The following GPM6A variants were observed in gnomAD, a reference collection of about 807,000 sequenced individuals.
GPM6A encodes the protein glycoprotein M6A.
GPM6A carries 7 observed loss-of-function variants against 32.1 expected under a neutral mutation model. The ratio of observed to expected loss-of-function variants is 0.22; its 90% confidence interval spans 0.12 to 0.41. The LOEUF (loss-of-function observed/expected upper bound fraction) is 0.41, where lower values mean the gene tolerates loss of function less well. Among genes scored for constraint, GPM6A ranks in the 10% least tolerant of loss-of-function variants. GPM6A has a pLI of 1.00. For missense variants in GPM6A, 235 were observed against 347.2 expected (o/e 0.68, Z 2.57); for synonymous variants, 130 against 123.4 (o/e 1.05, Z -0.35).
intron 1 of GPM6A, among the ~76,000 whole-genome samples, chr4:175,869,076 G>A (rs1043286646): frequency 2.0e-5 from 3 of 152,054 alleles, no homozygotes; most frequent in Non-Finnish European, 4.4e-5. Context: ...AGTCACTAAT[G>A]ACTTACTTCG....
intron 1 of GPM6A, among the ~76,000 whole-genome samples, chr4:175,915,908 T>TGTAGAATG: frequency 6.6e-6 from 1 of 152,364 alleles, no homozygotes; most frequent in South Asian, 2.1e-4. Context: ...GGACCTTACA[T>TGTAGAATG]TTGTCATCCT....
intron 1 of GPM6A, among the ~76,000 whole-genome samples, chr4:175,798,871 T>C (rs1421307550): frequency 1.3e-5 from 2 of 152,180 alleles, no homozygotes; most frequent in Non-Finnish European, 2.9e-5. Context: ...CCAAGGGAAA[T>C]GTAAAATGCA....
At chr4:175,821,598 TC>T (rs1214353337) in intron 1 of GPM6A, among the ~76,000 whole-genome samples, 7 of 152,106 alleles carry the variant, frequency 4.6e-5, no homozygotes, top group Non-Finnish European at 1.0e-4. Flanking sequence ...GAGATCTCTT[TC>T]CATATGTTGA....
At chr4:175,775,556 G>T (rs1733359997) in intron 1 of GPM6A, among the ~76,000 whole-genome samples, 1 of 151,932 alleles carries the variant, frequency 6.6e-6, no homozygotes, top group Non-Finnish European at 1.5e-5. Context: ...TAGTTATTTT[G>T]CATTTCAAAA....
At chr4:175,711,873 A>G (rs1315334893) in intron 1 of GPM6A, among the ~76,000 whole-genome samples, 1 of 152,094 alleles carries the variant, frequency 6.6e-6, no homozygotes, top group Non-Finnish European at 1.5e-5. Context: ...TCACCCTTAT[A>G]TGTGTCTGCA....
intron 1 of GPM6A, among the ~76,000 whole-genome samples, chr4:175,713,471 G>A (rs531695519): frequency 1.3e-5 from 2 of 152,278 alleles, no homozygotes; most frequent in African/African-American, 4.8e-5. Flanking sequence ...GATTACAGGT[G>A]TGAGCCACGG....
At chr4:175,990,094 A>T (rs909756000) in intron 1 of GPM6A, among the ~76,000 whole-genome samples, 1 of 152,194 alleles carries the variant, frequency 6.6e-6, no homozygotes, top group African/African-American at 2.4e-5. Flanking sequence ...AATTGTGAAT[A>T]CTTTTCATTT....
chr4:175,903,954 T>A (rs1440885668), intron 1 of GPM6A, among the ~76,000 whole-genome samples: 5 of 152,152 alleles, frequency 3.3e-5, no homozygotes, highest in African/African-American at 1.2e-4. Context: ...TGTCAGAGAA[T>A]GTCCTTCTGG....
intron 1 of GPM6A, among the ~76,000 whole-genome samples, chr4:175,872,044 T>C (rs1361625567): frequency 6.6e-6 from 1 of 152,238 alleles, no homozygotes; most frequent in Non-Finnish European, 1.5e-5. Context: ...TTTCTTTTCT[T>C]CACCTCAGAG....
chr4:175,856,263 C>T (rs1455054185), intron 1 of GPM6A, among the ~76,000 whole-genome samples: 1 of 152,196 alleles, frequency 6.6e-6, no homozygotes, highest in Admixed American at 6.5e-5. Flanking sequence ...ATATACCGTA[C>T]TGAGATGGGA....
At chr4:175,986,073 G>T (rs1031069760) in intron 1 of GPM6A, among the ~76,000 whole-genome samples, 1 of 151,958 alleles carries the variant, frequency 6.6e-6, no homozygotes, top group African/African-American at 2.4e-5. Context: ...CAAAGTGCAG[G>T]GTCCCAAAGG....
At chr4:175,799,690 C>T (rs1216419728) in intron 1 of GPM6A, among the ~76,000 whole-genome samples, 2 of 47,140 alleles carry the variant, frequency 4.2e-5, no homozygotes. Context: ...TTTTTTGAGA[C>T]GGAGTCTCGC....
chr4:175,905,193 T>C, intron 1 of GPM6A, among the ~76,000 whole-genome samples: 1 of 152,114 alleles, frequency 6.6e-6, no homozygotes. Flanking sequence ...TAGGAGAAAC[T>C]AATGAAAGAT....
At chr4:175,746,471 G>A (rs1490820623) in intron 1 of GPM6A, among the ~76,000 whole-genome samples, 2 of 152,092 alleles carry the variant, frequency 1.3e-5, no homozygotes, top group African/African-American at 4.8e-5. Flanking sequence ...TAAAAGACCA[G>A]ATTTAAAATC....
chr4:175,808,036 C>T (rs1734766938), intron 1 of GPM6A, among the ~76,000 whole-genome samples: 2 of 152,154 alleles, frequency 1.3e-5, no homozygotes, highest in African/African-American at 4.8e-5. Flanking sequence ...AATCACCAGG[C>T]AGTATAGGTT....
chr4:175,804,169 T>C (rs1422983428), intron 1 of GPM6A, among the ~76,000 whole-genome samples: 1 of 152,232 alleles, frequency 6.6e-6, no homozygotes, highest in Non-Finnish European at 1.5e-5. Flanking sequence ...CTTATTTTAA[T>C]AATGAATTCT....
chr4:175,739,564 A>G (rs1731796917), intron 1 of GPM6A, among the ~76,000 whole-genome samples: 1 of 152,186 alleles, frequency 6.6e-6, no homozygotes, highest in African/African-American at 2.4e-5. Flanking sequence ...GAAATTACCT[A>G]CATATAAAAT....
In GPM6A at chr4:175,658,482, G is replaced by A. The variant is rs368048916; in HGVS notation, c.388-6495C>T. 5.3e-5 allele frequency among the ~76,000 whole-genome samples: 8 copies of A among 152,278 alleles called. No individual in the cohort carries two copies. In the East Asian group the frequency reaches 9.7e-4, roughly 18 times the overall value. On this transcript the variant is annotated intron_variant, in intron 3 of 6. Coordinates refer to ENST00000393658, the MANE Select transcript of GPM6A (RefSeq NM_201591.3). ...GTAGAACCGTGAAACTATTCTGTAT[G>A]AAAGTATAATGGTGGATACGTGTCA...
intron 1 of GPM6A, among the ~76,000 whole-genome samples, chr4:175,833,425 T>C (rs1296409592): frequency 2.0e-5 from 3 of 152,212 alleles, no homozygotes; most frequent in Admixed American, 6.5e-5. Flanking sequence ...TGTTTTGTTA[T>C]GTTTTGTTTT....
Sources: gnomAD v4.1 joint callset for allele counts (sites outside exome capture counted in the v4.1 genomes callset) on GRCh38, gnomAD v4.1.1 for gene constraint, MANE v1.5 for transcripts, NCBI Gene and HGNC (gene_info 2026-07-23, HGNC 2026-07-21) for gene names.